RANBP2: variants seen among roughly 807,000 people sequenced by gnomAD.
The protein encoded by RANBP2 is RAN binding protein 2.
Under a neutral mutation model 303.6 loss-of-function variants are expected in RANBP2, and 57 were observed. That is an observed-to-expected ratio of 0.19 (90% confidence interval 0.15 to 0.23). The LOEUF (loss-of-function observed/expected upper bound fraction) is 0.23, where lower values mean the gene tolerates loss of function less well. RANBP2 is among the 10% of genes least tolerant of loss of function. RANBP2 has a pLI of 1.00. For synonymous variants in RANBP2, 1,167 were observed against 1,301.5 expected (o/e 0.90, Z 2.23); for missense variants, 3,138 against 3,780.8 (o/e 0.83, Z 4.46).
the RANBP2 span, among the ~76,000 whole-genome samples, chr2:109,542,199 T>C: frequency 7.9e-5 from 12 of 152,238 alleles, no homozygotes; most frequent in Non-Finnish European, 1.5e-4. Context: ...AAATTAGCTT[T>C]GTAAGAAGAA....
the RANBP2 span, among the ~76,000 whole-genome samples, chr2:108,825,007 C>T: frequency 1.3e-5 from 2 of 152,148 alleles, no homozygotes; most frequent in Non-Finnish European, 2.9e-5. Context: ...TGGAACTAGA[C>T]ATATGTATGG....
At chr2:109,392,533 G>C in the RANBP2 span, among the ~76,000 whole-genome samples, 3 of 151,584 alleles carry the variant, frequency 2.0e-5, no homozygotes, top group Admixed American at 1.3e-4. Context: ...TTTTGGAGAC[G>C]GAGTCTCGCA....
the RANBP2 span, among the ~76,000 whole-genome samples, chr2:109,046,791 C>A: frequency 6.6e-6 from 1 of 152,108 alleles, no homozygotes; most frequent in African/African-American, 2.4e-5. Flanking sequence ...CCTCTGGGCT[C>A]CTGTGGTGTT....
chr2:108,798,949 ACCATTAGCGC>A, the RANBP2 span, among the ~76,000 whole-genome samples: 2 of 152,180 alleles, frequency 1.3e-5, no homozygotes, highest in Non-Finnish European at 2.9e-5. Flanking sequence ...CATTCTCCAG[ACCATTAGCGC>A]ATATCAGGAA....
chr2:109,164,993 G>A, the RANBP2 span, among the ~76,000 whole-genome samples: 20 of 152,142 alleles, frequency 1.3e-4, no homozygotes, highest in East Asian at 3.9e-4. Flanking sequence ...CTTAGTCATC[G>A]TCTTCCTTGG....
At chr2:109,187,994 G>A in the RANBP2 span, among the ~76,000 whole-genome samples, 3 of 152,330 alleles carry the variant, frequency 2.0e-5, no homozygotes, top group Non-Finnish European at 2.9e-5. Flanking sequence ...GGGGCACAGC[G>A]GGGGTTGCCT....
At chr2:109,774,539 AAAATAT>A in the RANBP2 span, among the ~76,000 whole-genome samples, 11 of 95,608 alleles carry the variant, frequency 1.2e-4, no homozygotes, top group East Asian at 3.3e-3. Context: ...TATTATATAT[AAAATAT>A]ATATAATATA....
chr2:109,298,637 G>A, the RANBP2 span, among the ~76,000 whole-genome samples: 33 of 152,054 alleles, frequency 2.2e-4, no homozygotes, highest in Non-Finnish European at 3.7e-4. Context: ...AATGCTCCTC[G>A]GAGCACACCC....
At chr2:108,781,019 A>C (rs1040971790) in intron 25 of RANBP2, among the ~76,000 whole-genome samples, 3 of 151,970 alleles carry the variant, frequency 2.0e-5, no homozygotes, top group Non-Finnish European at 4.4e-5. Context: ...TAATTTTTGT[A>C]TTATTAGTAG....
At chr2:109,640,527 A>T in the RANBP2 span, among the ~76,000 whole-genome samples, 1 of 152,184 alleles carries the variant, frequency 6.6e-6, no homozygotes, top group Non-Finnish European at 1.5e-5. Flanking sequence ...GTTTCCTCAC[A>T]ATCACTTTGA....
chr2:109,023,669 G>T, the RANBP2 span, among the ~76,000 whole-genome samples: 1 of 152,074 alleles, frequency 6.6e-6, no homozygotes, highest in Non-Finnish European at 1.5e-5. Flanking sequence ...CTCTAGCTGG[G>T]TGCAGTGTGT....
the RANBP2 span, among the ~76,000 whole-genome samples, chr2:108,852,968 A>G: frequency 6.6e-6 from 1 of 152,228 alleles, no homozygotes; most frequent in African/African-American, 2.4e-5. Flanking sequence ...ATATAGGCAC[A>G]ATTTTGTTTG....
intron 7 of RANBP2, among the ~76,000 whole-genome samples, chr2:108,743,276 GAT>G (rs1490764428): frequency 6.6e-6 from 1 of 152,010 alleles, no homozygotes; most frequent in Non-Finnish European, 1.5e-5. Context: ...AAAATTTTTT[GAT>G]ATGTAGTTTT....
chr2:108,844,648 A>G, the RANBP2 span, among the ~76,000 whole-genome samples: 1 of 152,174 alleles, frequency 6.6e-6, no homozygotes, highest in African/African-American at 2.4e-5. Context: ...TTGTTTCAGC[A>G]AAAGTTTTAA....
the RANBP2 span, among the ~76,000 whole-genome samples, chr2:109,726,669 T>G: frequency 6.6e-6 from 1 of 152,220 alleles, no homozygotes; most frequent in South Asian, 2.1e-4. Context: ...GTTTTTTTAG[T>G]TTTTGCGTTT....
the RANBP2 span, among the ~76,000 whole-genome samples, chr2:109,087,330 G>A: frequency 6.6e-6 from 1 of 152,244 alleles, no homozygotes; most frequent in Non-Finnish European, 1.5e-5. Flanking sequence ...TCCTTGTATT[G>A]CCTCACAAAA....
At chr2:109,077,718 A>G in the RANBP2 span, among the ~76,000 whole-genome samples, 1 of 150,184 alleles carries the variant, frequency 6.7e-6, no homozygotes, top group East Asian at 1.9e-4. Flanking sequence ...AGTACCCAAC[A>G]TCACTATCAT....
At chr2:109,579,405 T>C in the RANBP2 span, among the ~76,000 whole-genome samples, 2 of 150,422 alleles carry the variant, frequency 1.3e-5, no homozygotes, top group Non-Finnish European at 3.0e-5. Context: ...TTTTTTGAGA[T>C]GGAGTTTCGC....
the RANBP2 span, among the ~76,000 whole-genome samples, chr2:108,987,449 T>C: frequency 6.6e-6 from 1 of 152,234 alleles, no homozygotes; most frequent in East Asian, 1.9e-4. Context: ...GAGGGTACCA[T>C]GATGCCTGAG....
Sources: gnomAD v4.1 joint callset for allele counts (sites outside exome capture counted in the v4.1 genomes callset) on GRCh38, gnomAD v4.1.1 for gene constraint, MANE v1.5 for transcripts, NCBI Gene and HGNC (gene_info 2026-07-23, HGNC 2026-07-21) for gene names.